Variants in SDK1 observed in about 807,000 individuals in gnomAD.
SDK1 encodes sidekick cell adhesion molecule 1.
SDK1 carries 157 observed loss-of-function variants against 245.5 expected under a neutral mutation model. The observed-to-expected ratio is 0.64, with a 90% confidence interval of 0.56 to 0.73. SDK1 has a LOEUF of 0.73. Ranked by LOEUF, SDK1 falls within the 30% of genes least tolerant of loss-of-function variation. SDK1 has a pLI of 0.00. For synonymous variants in SDK1, 1,647 were observed against 1,278.5 expected (o/e 1.29, Z -6.15); for missense variants, 3,583 against 3,002.3 (o/e 1.19, Z -4.52).
At chr7:3,578,433 A>G (rs1780372572) in intron 1 of SDK1, among the ~76,000 whole-genome samples, 2 of 152,064 alleles carry the variant, frequency 1.3e-5, no homozygotes, top group South Asian at 4.1e-4. Flanking sequence ...CTGTGCACGT[A>G]TTGTCTTAAC....
chr7:3,980,947 AAAAAG>A (rs1229732745), intron 13 of SDK1, among the ~76,000 whole-genome samples: 1 of 152,168 alleles, frequency 6.6e-6, no homozygotes, highest in Non-Finnish European at 1.5e-5. Flanking sequence ...CTCAAAAAAA[AAAAAG>A]AAAGAAAAAA....
intron 3 of SDK1, among the ~76,000 whole-genome samples, chr7:3,641,074 T>C (rs1291315425): frequency 1.3e-5 from 2 of 152,332 alleles, no homozygotes; most frequent in East Asian, 3.9e-4. Context: ...TTTTCTAATC[T>C]GTTTTGTTGG....
At chr7:4,141,224 G>C (rs1779564087) in intron 28 of SDK1, among the ~76,000 whole-genome samples, 1 of 152,180 alleles carries the variant, frequency 6.6e-6, no homozygotes, top group Non-Finnish European at 1.5e-5. Flanking sequence ...GCCAAAGGCA[G>C]GGCTCACCTT....
chr7:3,946,033 A>G (rs1461517720), intron 5 of SDK1, among the ~76,000 whole-genome samples: 1 of 151,270 alleles, frequency 6.6e-6, no homozygotes, highest in African/African-American at 2.4e-5. Context: ...AATCCAACCA[A>G]TAAGAGCCCT....
intron 4 of SDK1, among the ~76,000 whole-genome samples, chr7:3,740,018 A>G (rs1779432145): frequency 6.6e-6 from 1 of 152,210 alleles, no homozygotes; most frequent in Non-Finnish European, 1.5e-5. Flanking sequence ...TCAGTTAGCT[A>G]AGTGGTCATC....
At chr7:3,773,377 C>G (rs1468571852) in intron 4 of SDK1, among the ~76,000 whole-genome samples, 1 of 151,676 alleles carries the variant, frequency 6.6e-6, no homozygotes, top group Non-Finnish European at 1.5e-5. Flanking sequence ...TCCAGAATTT[C>G]TTTTTGGTTT....
At chr7:4,122,015 C>T (rs1220651608) in intron 25 of SDK1, among the ~76,000 whole-genome samples, 1 of 152,088 alleles carries the variant, frequency 6.6e-6, no homozygotes, top group African/African-American at 2.4e-5. Flanking sequence ...GCTGGAATAA[C>T]GAGCTCCCAG....
chr7:3,476,181 A>G (rs2128600281), intron 1 of SDK1: 1 of 152,708 alleles, frequency 6.5e-6, no homozygotes, highest in Middle Eastern at 3.4e-3. Flanking sequence ...AAGGTACGAT[A>G]TGCATATGAA....
chr7:3,796,752 T>C (rs779115055), intron 4 of SDK1, among the ~76,000 whole-genome samples: 11 of 152,198 alleles, frequency 7.2e-5, no homozygotes, highest in Non-Finnish European at 1.3e-4. Flanking sequence ...ATATGCAGTA[T>C]TGATTATTAA....
At chr7:4,212,218 A>C (rs1784548386) in intron 38 of SDK1, among the ~76,000 whole-genome samples, 1 of 151,718 alleles carries the variant, frequency 6.6e-6, no homozygotes, top group African/African-American at 2.4e-5. Context: ...ATTTAGATGA[A>C]ACGGAGTTGA....
intron 12 of SDK1, 136 bp from the exon 13 acceptor site, chr7:3,974,231 CTT>C (rs1241403391): frequency 3.4e-6 from 2 of 583,314 alleles, no homozygotes; most frequent in African/African-American, 3.8e-5. Flanking sequence ...AAAAATCACT[CTT>C]TTAAAGAGCA....
chr7:4,024,319 C>T (rs1488224816), intron 17 of SDK1, among the ~76,000 whole-genome samples: 1 of 152,202 alleles, frequency 6.6e-6, no homozygotes, highest in Non-Finnish European at 1.5e-5. Flanking sequence ...CTTATCTCCT[C>T]TTGGGAAATT....
At chr7:3,923,881 T>C (rs1043514612) in intron 5 of SDK1, among the ~76,000 whole-genome samples, 14 of 152,132 alleles carry the variant, frequency 9.2e-5, no homozygotes, top group African/African-American at 1.4e-4. Context: ...GACTTGTCTT[T>C]TGCGGGTGGG....
intron 1 of SDK1, among the ~76,000 whole-genome samples, chr7:3,343,847 G>T (rs936974784): frequency 4.0e-4 from 61 of 152,056 alleles, no homozygotes; most frequent in Non-Finnish European, 4.9e-4. Context: ...TGGGCAAAAA[G>T]ATACCATACA....
At chr7:3,853,901 A>G (rs1262728732) in intron 5 of SDK1, among the ~76,000 whole-genome samples, 2 of 152,088 alleles carry the variant, frequency 1.3e-5, no homozygotes, top group Non-Finnish European at 2.9e-5. Flanking sequence ...AGGCAGGAGA[A>G]TTGCTTGAAC....
intron 4 of SDK1, among the ~76,000 whole-genome samples, chr7:3,677,866 G>C (rs1288451403): frequency 6.6e-6 from 1 of 152,124 alleles, no homozygotes; most frequent in Non-Finnish European, 1.5e-5. Context: ...CTGATTTTTT[G>C]ACAAGGGTAC....
intron 1 of SDK1, among the ~76,000 whole-genome samples, chr7:3,491,799 C>A (rs1781871472): frequency 6.6e-6 from 1 of 152,180 alleles, no homozygotes. Context: ...AATACTTTTT[C>A]TCATATGCCA....
chr7:3,773,276 T>C (rs1282519461), intron 4 of SDK1, among the ~76,000 whole-genome samples: 1 of 152,210 alleles, frequency 6.6e-6, no homozygotes, highest in Non-Finnish European at 1.5e-5. Flanking sequence ...TCCTTTGCCC[T>C]ATCTTCACAT....
At chr7:3,942,622 T>C (rs1477335825) in intron 5 of SDK1, among the ~76,000 whole-genome samples, 9 of 152,134 alleles carry the variant, frequency 5.9e-5, no homozygotes, top group African/African-American at 2.2e-4. Flanking sequence ...TTTCTACAAG[T>C]TTTAGACCAA....
Sources: gnomAD v4.1 joint callset for allele counts (sites outside exome capture counted in the v4.1 genomes callset) on GRCh38, gnomAD v4.1.1 for gene constraint, MANE v1.5 for transcripts, NCBI Gene and HGNC (gene_info 2026-07-23, HGNC 2026-07-21) for gene names.